The following LRIG1 variants were observed in gnomAD, a reference collection of about 807,000 sequenced individuals.
The protein encoded by LRIG1 is leucine-rich repeats and immunoglobulin-like domains protein 1.
In LRIG1, 48 loss-of-function variants were observed where a neutral mutation model predicts 99.2. The ratio of observed to expected loss-of-function variants is 0.48; its 90% CI spans 0.38 to 0.62. The LOEUF (loss-of-function observed/expected upper bound fraction) is 0.62, where lower values mean the gene tolerates loss of function less well. LRIG1 is among the 20% of genes least tolerant of loss of function. The pLI is 0.00. For missense variants in LRIG1, 1,646 were observed against 1,434.4 expected (o/e 1.15, Z -2.38); for synonymous variants, 772 against 596.1 (o/e 1.29, Z -4.30).
In LRIG1 at chr3:66,380,157, A is replaced by G; in HGVS notation, c.*106T>C. 1 of 846,656 alleles carries G rather than the reference A, an allele frequency of 1.2e-6. No individual in the cohort carries two copies. Among genetic ancestry groups the G allele is most frequent in the Non-Finnish European group, 1.8e-6 (1 of 553,040 alleles). 52.4% of individuals were successfully genotyped at this position (846,656 alleles called of 1,614,324 possible). On this transcript the variant is annotated 3_prime_UTR_variant, in exon 19 of 19. Transcript: ENST00000273261. ...GCGACTGATACTCCACATGGGAGTT[A>G]CAACTATGTACAGATGAGTGACGCT...
chr3:66,384,315 G>A lies in LRIG1; in HGVS notation c.1790-43C>T. On this transcript the variant is annotated intron_variant, in intron 13 of 18. Transcript: ENST00000273261. Reference sequence around the variant, plus strand: ...ACAGGGTCGGGTTACGGGACAGCTAGATGCAAAACCAGGAAGTCCTCTGGC... The same window carrying A: ...ACAGGGTCGGGTTACGGGACAGCTAAATGCAAAACCAGGAAGTCCTCTGGC... The A allele has an allele frequency of 1.9e-6, 3 of 1,577,594 alleles. No homozygotes were observed. In the South Asian group the frequency reaches 3.5e-5, roughly 19 times the overall value.
intron 3 of LRIG1, among the ~76,000 whole-genome samples, chr3:66,420,793 G>A (rs1417521979): frequency 6.6e-6 from 1 of 152,184 alleles, no homozygotes; most frequent in Non-Finnish European, 1.5e-5. Context: ...GGAGACCGCA[G>A]AAGGAAGATC....
chr3:66,486,033 G>A (rs926233208), intron 1 of LRIG1, among the ~76,000 whole-genome samples: 2 of 152,176 alleles, frequency 1.3e-5, no homozygotes, highest in African/African-American at 4.8e-5. Flanking sequence ...GCAAGTGCTA[G>A]ACTCTAAACA....
intron 3 of LRIG1, among the ~76,000 whole-genome samples, chr3:66,431,558 C>A (rs1433484347): frequency 1.3e-5 from 2 of 152,328 alleles, no homozygotes; most frequent in East Asian, 3.9e-4. Flanking sequence ...GCACTTCACA[C>A]AGCAAGGACC....
At chr3:66,495,447 T>C (rs1309696882) in intron 1 of LRIG1, among the ~76,000 whole-genome samples, 1 of 152,188 alleles carries the variant, frequency 6.6e-6, no homozygotes, top group Non-Finnish European at 1.5e-5. Context: ...AGTGAGTAAA[T>C]GTCACATAGC....
chr3:66,419,919 G>C (rs1489683188), intron 3 of LRIG1, among the ~76,000 whole-genome samples: 1 of 152,044 alleles, frequency 6.6e-6, no homozygotes, highest in Non-Finnish European at 1.5e-5. Context: ...CATGCCCATG[G>C]GCTACTGACT....
At chr3:66,434,775 C>A (rs4856936) in intron 3 of LRIG1, among the ~76,000 whole-genome samples, 39,308 of 136,658 alleles carry the variant, frequency 0.29, 6,204 homozygotes, top group East Asian at 0.74. Flanking sequence ...AAAAAAAAAA[C>A]ACACCACCAA....
At chr3:66,394,574 TCTGACCTCTC>T (rs1225218641) in intron 11 of LRIG1, among the ~76,000 whole-genome samples, 1 of 152,162 alleles carries the variant, frequency 6.6e-6, no homozygotes, top group Non-Finnish European at 1.5e-5. Context: ...TGGGCTGCCT[TCTGACCTCTC>T]CTGACCTCTG....
At chr3:66,499,030 TC>T (rs1340349900) in intron 1 of LRIG1, among the ~76,000 whole-genome samples, 3 of 152,346 alleles carry the variant, frequency 2.0e-5, no homozygotes, top group African/African-American at 7.2e-5. Flanking sequence ...TTTCCTATGT[TC>T]TAGGAAAAAT....
chr3:66,461,489 C>T (rs1170604845), intron 2 of LRIG1, among the ~76,000 whole-genome samples: 2 of 152,130 alleles, frequency 1.3e-5, no homozygotes, highest in Admixed American at 6.6e-5. Context: ...CATTCAAAAA[C>T]TTTTAATTTA....
intron 12 of LRIG1, among the ~76,000 whole-genome samples, chr3:66,388,290 T>C (rs1043472863): frequency 2.0e-5 from 3 of 151,582 alleles, no homozygotes; most frequent in African/African-American, 7.3e-5. Context: ...GCAGGGAACT[T>C]GAGACAGTCA....
chr3:66,474,697 C>G (rs561980461), intron 1 of LRIG1, among the ~76,000 whole-genome samples: 1 of 152,130 alleles, frequency 6.6e-6, no homozygotes, highest in Non-Finnish European at 1.5e-5. Context: ...CGCCTGTCCC[C>G]TCCCCAACCA....
At chr3:66,460,448 A>T (rs1028724548) in intron 2 of LRIG1, among the ~76,000 whole-genome samples, 1 of 152,128 alleles carries the variant, frequency 6.6e-6, no homozygotes, top group African/African-American at 2.4e-5. Flanking sequence ...AACCCCTAGT[A>T]CCTCAGCATG....
intron 1 of LRIG1, among the ~76,000 whole-genome samples, chr3:66,470,992 A>G (rs1190098721): frequency 2.0e-5 from 3 of 152,156 alleles, no homozygotes; most frequent in Non-Finnish European, 4.4e-5. Flanking sequence ...ATTAACCCCT[A>G]AAGATTAATT....
chr3:66,391,709 G>GTGAC (rs1380232677), intron 12 of LRIG1, among the ~76,000 whole-genome samples: 1 of 152,092 alleles, frequency 6.6e-6, no homozygotes, highest in Non-Finnish European at 1.5e-5. Flanking sequence ...TTACACAGTT[G>GTGAC]TGACTATTAT....
chr3:66,495,805 A>C (rs968168600), intron 1 of LRIG1, among the ~76,000 whole-genome samples: 4 of 152,226 alleles, frequency 2.6e-5, no homozygotes, highest in Admixed American at 2.6e-4. Flanking sequence ...TCTCTCCTGC[A>C]TTCCTGTCCA....
intron 15 of LRIG1, 24 bp from the exon 16 acceptor site, chr3:66,382,422 A>G: frequency 6.2e-7 from 1 of 1,613,972 alleles, no homozygotes; most frequent in Non-Finnish European, 8.5e-7. Context: ...GAACAAATAG[A>G]ACACCAGGGT....
intron 1 of LRIG1, among the ~76,000 whole-genome samples, chr3:66,471,108 C>T (rs937014806): frequency 6.6e-5 from 10 of 152,166 alleles, no homozygotes; most frequent in African/African-American, 2.4e-4. Flanking sequence ...GAGGCTGACC[C>T]TCCCACAGAC....
intron 6 of LRIG1, 141 bp downstream of exon 6, chr3:66,412,730 C>T: frequency 1.1e-6 from 1 of 929,834 alleles, no homozygotes; most frequent in Non-Finnish European, 1.7e-6. Flanking sequence ...CACCACACAG[C>T]AATGCTGGTG....
Sources: gnomAD v4.1 joint callset for allele counts (sites outside exome capture counted in the v4.1 genomes callset) on GRCh38, gnomAD v4.1.1 for gene constraint, MANE v1.5 for transcripts, NCBI Gene and HGNC (gene_info 2026-07-23, HGNC 2026-07-21) for gene names.